Variants in ISM1 observed in about 807,000 individuals in gnomAD.
ISM1 encodes isthmin 1, also known as isthmin-1.
Under a neutral mutation model 46.3 loss-of-function variants are expected in ISM1, and 25 were observed. The ratio of observed to expected loss-of-function variants is 0.54; its 90% CI spans 0.39 to 0.75. The LOEUF is 0.75. ISM1 is among the 30% of genes least tolerant of loss of function. The pLI, the probability that ISM1 is intolerant of heterozygous loss-of-function variation, is 0.00. For synonymous variants in ISM1, 255 were observed against 256.7 expected (o/e 0.99, Z 0.06); for missense variants, 536 against 625.4 (o/e 0.86, Z 1.52).
At chr20:13,305,711 T>C in the ISM1 span, among the ~76,000 whole-genome samples, 1 of 152,212 alleles carries the variant, frequency 6.6e-6, no homozygotes, top group Non-Finnish European at 1.5e-5. Flanking sequence ...TGGTTTACCA[T>C]ATGAGAGTAG....
chr20:13,321,785 T>C, the ISM1 span, among the ~76,000 whole-genome samples: 17 of 152,230 alleles, frequency 1.1e-4, no homozygotes, highest in African/African-American at 4.1e-4. Flanking sequence ...ATCTTTTCTT[T>C]TCATGTGTAT....
At position 13,257,544 on chromosome 20, in the gene ISM1, C is replaced by T. The variant is rs541748889; in HGVS notation, c.139-12960C>T. On this transcript the variant is annotated intron_variant, in intron 1 of 5. Coordinates refer to ENST00000262487, the MANE Select transcript of ISM1 (RefSeq NM_080826.2). ...CATGTTTACATAGTGTACTATGTGC[C>T]ATTTCATTCCTAACTTCTCCCCTCT... 3.3e-4 allele frequency among the ~76,000 whole-genome samples: 50 copies of T among 152,230 alleles called. No individual in the cohort carries two copies. In the Middle Eastern group the frequency reaches 0.014, roughly 42 times the overall value.
intron 1 of ISM1, among the ~76,000 whole-genome samples, chr20:13,234,775 G>C (rs1050776704): frequency 1.3e-5 from 2 of 152,112 alleles, no homozygotes; most frequent in Admixed American, 6.5e-5. Context: ...GCCTGTTCAT[G>C]TCCTTTGTCG....
chr20:13,224,239 G>C (rs570559641), intron 1 of ISM1, among the ~76,000 whole-genome samples: 1 of 152,248 alleles, frequency 6.6e-6, no homozygotes, highest in South Asian at 2.1e-4. Flanking sequence ...TAATTTTGCT[G>C]TTTTGTAATT....
chr20:13,313,246 C>T, the ISM1 span, among the ~76,000 whole-genome samples: 63 of 152,308 alleles, frequency 4.1e-4, no homozygotes, highest in Admixed American at 4.1e-3. Flanking sequence ...TAACAATTTC[C>T]CCCCACACGC....
chr20:13,325,684 T>A, the ISM1 span, among the ~76,000 whole-genome samples: 1 of 152,216 alleles, frequency 6.6e-6, no homozygotes, highest in Non-Finnish European at 1.5e-5. Context: ...ATCAAAACTG[T>A]GACATGTGGG....
chr20:13,241,261 G>A (rs1274130245), intron 1 of ISM1, among the ~76,000 whole-genome samples: 1 of 152,110 alleles, frequency 6.6e-6, no homozygotes, highest in African/African-American at 2.4e-5. Flanking sequence ...GTGAGGAAAT[G>A]GAGACAGAAT....
chr20:13,270,794 G>A (rs1293266765), intron 2 of ISM1, 51 bp downstream of exon 2: 2 of 1,561,332 alleles, frequency 1.3e-6, no homozygotes, highest in African/African-American at 1.4e-5. Context: ...TCCATCTTTT[G>A]TTTTCTGATG....
At chr20:13,325,675 T>A in the ISM1 span, among the ~76,000 whole-genome samples, 1 of 152,208 alleles carries the variant, frequency 6.6e-6, no homozygotes, top group Non-Finnish European at 1.5e-5. Flanking sequence ...TCCACCTGTA[T>A]CAAAACTGTG....
At chr20:13,273,822 C>CTCTATACAAT (rs2040142647) in intron 2 of ISM1, among the ~76,000 whole-genome samples, 1 of 152,164 alleles carries the variant, frequency 6.6e-6, no homozygotes, top group Non-Finnish European at 1.5e-5. Flanking sequence ...TCTATTTCTG[C>CTCTATACAAT]TCTATACAAT....
chr20:13,254,165 G>A (rs1039223475), intron 1 of ISM1, among the ~76,000 whole-genome samples: 2 of 151,874 alleles, frequency 1.3e-5, no homozygotes, highest in African/African-American at 4.8e-5. Context: ...CCCAGGAGGG[G>A]GAGGTTGCAG....
intron 1 of ISM1, among the ~76,000 whole-genome samples, chr20:13,265,083 A>G (rs960637077): frequency 1.3e-5 from 2 of 152,182 alleles, no homozygotes; most frequent in African/African-American, 4.8e-5. Flanking sequence ...GTTATTTCAT[A>G]TGAAAACAGC....
At chr20:13,274,675 C>A (rs546687523) in intron 2 of ISM1, among the ~76,000 whole-genome samples, 1 of 151,944 alleles carries the variant, frequency 6.6e-6, no homozygotes, top group East Asian at 1.9e-4. Flanking sequence ...TCCCCGCCCC[C>A]CCCGCGCCCG....
chr20:13,240,919 A>T (rs1479934748), intron 1 of ISM1, among the ~76,000 whole-genome samples: 1 of 152,204 alleles, frequency 6.6e-6, no homozygotes, highest in Non-Finnish European at 1.5e-5. Flanking sequence ...GACATGTGGA[A>T]TATGAGATGC....
the ISM1 span, among the ~76,000 whole-genome samples, chr20:13,316,725 T>C: frequency 6.6e-6 from 1 of 151,258 alleles, no homozygotes; most frequent in African/African-American, 2.4e-5. Context: ...CTGACAAAAT[T>C]CAACACCCAT....
chr20:13,262,015 T>C (rs243904), intron 1 of ISM1, among the ~76,000 whole-genome samples: 13,805 of 152,202 alleles, frequency 0.091, 705 homozygotes, highest in East Asian at 0.17. Context: ...CCTCTGGTCG[T>C]AGGAGGACTT....
chr20:13,239,283 G>A (rs960005222), intron 1 of ISM1, among the ~76,000 whole-genome samples: 1 of 152,166 alleles, frequency 6.6e-6, no homozygotes, highest in Admixed American at 6.5e-5. Flanking sequence ...ACTCTGTCTG[G>A]TGTGGTTCTC....
At chr20:13,235,927 C>CTTTTTTTTT (rs72361165) in intron 1 of ISM1, among the ~76,000 whole-genome samples, 1 of 149,578 alleles carries the variant, frequency 6.7e-6, no homozygotes, top group African/African-American at 2.5e-5. Flanking sequence ...TTGTACTTCC[C>CTTTTTTTTT]TTTTTTCTTT....
intron 1 of ISM1, among the ~76,000 whole-genome samples, chr20:13,234,671 A>G (rs2039627634): frequency 6.6e-6 from 1 of 152,160 alleles, no homozygotes; most frequent in Non-Finnish European, 1.5e-5. Flanking sequence ...ATGGTATCTC[A>G]TTGTGGTTTT....
Sources: allele counts gnomAD v4.1 joint callset (sites outside exome capture counted in the v4.1 genomes callset), GRCh38; gene constraint gnomAD v4.1.1; transcripts MANE v1.5; gene names NCBI Gene and HGNC (gene_info 2026-07-23, HGNC 2026-07-21).